DOCK9: variants seen among roughly 807,000 people sequenced by gnomAD.
The protein encoded by DOCK9 is dedicator of cytokinesis protein 9.
DOCK9 carries 89 observed loss-of-function variants against 263.3 expected under a neutral mutation model. That is an observed-to-expected ratio of 0.34 (90% CI 0.28 to 0.40). DOCK9 has a LOEUF of 0.40. Ranked by LOEUF, DOCK9 falls within the 10% of genes least tolerant of loss-of-function variation. The probability of loss-of-function intolerance (pLI) is 1.00; values close to 1 mark genes in which losing one functional copy is unlikely to be tolerated. For synonymous variants in DOCK9, 976 were observed against 973.1 expected (o/e 1.00, Z -0.06); for missense variants, 2,140 against 2,603.4 (o/e 0.82, Z 3.87).
chr13:99,011,327 A>T (rs1884438814), intron 1 of DOCK9, among the ~76,000 whole-genome samples: 1 of 152,202 alleles, frequency 6.6e-6, no homozygotes, highest in Admixed American at 6.5e-5. Flanking sequence ...CAGGTAATAT[A>T]AAAAAATAAG....
At chr13:98,882,069 C>T in intron 23 of DOCK9, 62 bp from the exon 24 acceptor site, 2 of 1,302,618 alleles carry the variant, frequency 1.5e-6, no homozygotes, top group Admixed American at 4.0e-5. Context: ...CCTAAAGTAA[C>T]TTCCACTCTT....
Position 98,907,554 on chromosome 13 carries a change from C to T in DOCK9, c.961-2848G>A, listed in dbSNP as rs140397152. On this transcript the variant is annotated intron_variant, in intron 9 of 52. Transcript: ENST00000682017. ...AAGCATTCTGATTTTGTCACTAACACCCAACAGATATATTCTTTACCACAG... is the reference window on the plus strand; with the variant it reads ...AAGCATTCTGATTTTGTCACTAACATCCAACAGATATATTCTTTACCACAG... Among the ~76,000 whole-genome samples, 3 of 152,292 alleles carry T rather than the reference C, an allele frequency of 2.0e-5. No individual in the cohort carries two copies. In the East Asian group the frequency reaches 5.8e-4, roughly 29 times the overall value.
chr13:99,009,616 A>G (rs1884109745), intron 1 of DOCK9, among the ~76,000 whole-genome samples: 1 of 151,920 alleles, frequency 6.6e-6, no homozygotes, highest in South Asian at 2.1e-4. Flanking sequence ...ATTTTCACAT[A>G]CCTTGTCACT....
chr13:98,837,627 C>T lies in DOCK9; in HGVS notation c.4199-18G>A. The T allele has an allele frequency of 1.3e-6, 2 of 1,563,612 alleles. No individual in the cohort carries two copies. Among genetic ancestry groups the T allele is most frequent in the Non-Finnish European group, 1.8e-6 (2 of 1,138,746 alleles). On this transcript the variant is annotated intron_variant, in intron 38 of 52. Coordinates refer to ENST00000682017, the MANE Select transcript of DOCK9 (RefSeq NM_001366683.2). The stretch of plus-strand genomic sequence containing the variant: ...GCCATAGCCTGCATGAATTACAACA[C>T]AAGATTACTGCCCAGTGGTTCAGAA...
intron 52 of DOCK9, among the ~76,000 whole-genome samples, chr13:98,795,271 C>T (rs1177539660): frequency 6.6e-6 from 1 of 152,228 alleles, no homozygotes; most frequent in Admixed American, 6.5e-5. Flanking sequence ...TGTTTCTCTC[C>T]TGCCTCCTTT....
At chr13:98,999,316 A>ACACACTCTCTCTCTCTCTCT in intron 1 of DOCK9, among the ~76,000 whole-genome samples, 1 of 138,292 alleles carries the variant, frequency 7.2e-6, no homozygotes, top group African/African-American at 2.8e-5. Context: ...ACACACACAC[A>ACACACTCTCTCTCTCTCTCT]CTCTCTCTCT....
At chr13:98,929,420 G>A (rs1039118671) in intron 3 of DOCK9, among the ~76,000 whole-genome samples, 2 of 152,122 alleles carry the variant, frequency 1.3e-5, no homozygotes, top group African/African-American at 2.4e-5. Context: ...GTGCACGCCT[G>A]TAATCCCAGC....
At position 98,868,274 on chromosome 13, in the gene DOCK9, T is replaced by A; in HGVS notation, c.3047A>T (p.Glu1016Val). 1 of 1,613,984 alleles carries A rather than the reference T, an allele frequency of 6.2e-7. No homozygotes were observed. The highest frequency in any genetic ancestry group is 8.5e-7 in the Non-Finnish European group (1 of 1,179,880). The change falls in exon 28 of 53, where the codon GAG becomes GTG. Residue 1016 changes from glutamate (E) to valine (V), a missense_variant. By Grantham distance (121) the Glu-to-Val change is moderately radical (BLOSUM62 -2). Coordinates refer to ENST00000682017, the MANE Select transcript of DOCK9 (RefSeq NM_001366683.2). ...HITQKFRDNP[E>V]ASKNANHSLA... ...GCTATGATTCGCGTTCTTAGATGCCTCTGGATTATCTCGAAACTTCTGAGT... is the reference window on the plus strand; with the variant it reads ...GCTATGATTCGCGTTCTTAGATGCCACTGGATTATCTCGAAACTTCTGAGT...
chr13:99,007,116 G>A (rs1425489089), intron 1 of DOCK9, among the ~76,000 whole-genome samples: 2 of 152,022 alleles, frequency 1.3e-5, no homozygotes, highest in Non-Finnish European at 2.9e-5. Flanking sequence ...TAGGCCAGGT[G>A]CAGTGGTTCA....
At chr13:98,921,155 C>T (rs1190103852) in intron 6 of DOCK9, 67 bp from the exon 7 acceptor site, 102 of 1,464,582 alleles carry the variant, frequency 7.0e-5, no homozygotes, top group Non-Finnish European at 8.8e-5. Context: ...TATCAATAAC[C>T]CACTTATGAC....
intron 11 of DOCK9, 31 bp downstream of exon 11, chr13:98,902,941 T>C: frequency 1.3e-6 from 2 of 1,484,502 alleles, no homozygotes; most frequent in Non-Finnish European, 1.8e-6. Flanking sequence ...CTATTTTTTT[T>C]TTAATGTTTA....
intron 30 of DOCK9, among the ~76,000 whole-genome samples, chr13:98,864,136 A>C (rs534087109): frequency 7.2e-5 from 11 of 152,346 alleles, no homozygotes; most frequent in African/African-American, 2.6e-4. Flanking sequence ...GAACTTATTT[A>C]ATGCAGTATT....
At chr13:99,044,926 CCCA>C (rs759378964) in intron 1 of DOCK9, among the ~76,000 whole-genome samples, 1 of 152,172 alleles carries the variant, frequency 6.6e-6, no homozygotes, top group African/African-American at 2.4e-5. Context: ...GAGGGGAACT[CCCA>C]CCACAATTCC....
At chr13:99,015,350 T>C (rs1441755809) in intron 1 of DOCK9, 1 of 1,110,288 alleles carries the variant, frequency 9.0e-7, no homozygotes, top group Non-Finnish European at 1.2e-6. Flanking sequence ...ACTACATACA[T>C]ATAAGTACAC....
intron 15 of DOCK9, among the ~76,000 whole-genome samples, chr13:98,893,357 A>T (rs1595052963): frequency 6.6e-6 from 1 of 152,358 alleles, no homozygotes; most frequent in Middle Eastern, 3.4e-3. Flanking sequence ...CTATTTTTAT[A>T]CTTTGCCTTC....
intron 1 of DOCK9, among the ~76,000 whole-genome samples, chr13:99,055,167 C>A (rs1466180144): frequency 1.3e-5 from 2 of 152,166 alleles, no homozygotes; most frequent in Non-Finnish European, 2.9e-5. Context: ...TTAAAGGGTA[C>A]ACCAGGACTT....
intron 1 of DOCK9, among the ~76,000 whole-genome samples, chr13:99,038,532 CTGACATCAGG>C (rs1888164958): frequency 6.6e-6 from 1 of 152,022 alleles, no homozygotes; most frequent in South Asian, 2.1e-4. Flanking sequence ...TCTCTAACTC[CTGACATCAGG>C]TGATCCACCC....
chr13:98,979,116 T>C (rs1206957793), upstream of DOCK9, among the ~76,000 whole-genome samples: 2 of 151,656 alleles, frequency 1.3e-5, no homozygotes, highest in African/African-American at 4.8e-5. Flanking sequence ...TTAGTAACAG[T>C]AGACAACAAG....
chr13:99,077,542 A>G (rs2041959131), intron 1 of DOCK9, among the ~76,000 whole-genome samples: 3 of 152,178 alleles, frequency 2.0e-5, no homozygotes, highest in African/African-American at 7.2e-5. Flanking sequence ...TCTTTTCTTT[A>G]TAAATTACCC....
Sources: gnomAD v4.1 joint callset for allele counts (sites outside exome capture counted in the v4.1 genomes callset) on GRCh38, gnomAD v4.1.1 for gene constraint, MANE v1.5 for transcripts, NCBI Gene and HGNC (gene_info 2026-07-23, HGNC 2026-07-21) for gene names.